Variants in ESR1 observed in about 807,000 individuals in gnomAD.
ESR1 encodes estrogen receptor 1, also known as estrogen receptor.
A neutral mutation model predicts 52.7 loss-of-function variants in ESR1; 12 were observed. The ratio of observed to expected loss-of-function variants is 0.23; its 90% CI spans 0.15 to 0.37. The LOEUF is 0.37. ESR1 is among the 10% of genes least tolerant of loss of function. ESR1 has a pLI of 1.00. For synonymous variants in ESR1, 305 were observed against 316.8 expected, an observed-to-expected ratio of 0.96 and a Z score of 0.39; for missense variants, 584 against 779.7, an observed-to-expected ratio of 0.75 and a Z score of 2.99.
intron 2 of ESR1, among the ~76,000 whole-genome samples, chr6:151,859,673 C>A (rs1562485845): frequency 6.6e-6 from 1 of 152,188 alleles, no homozygotes; most frequent in Non-Finnish European, 1.5e-5. Context: ...GGGTTGACTT[C>A]CTGTGGCATT....
chr6:152,122,287 A>C (rs1334599882), intron 6 of ESR1: 32 of 1,238,816 alleles, frequency 2.6e-5, no homozygotes, highest in Non-Finnish European at 2.8e-5. Context: ...TGAAGCCATA[A>C]TTTGCACACA....
intron 5 of ESR1, among the ~76,000 whole-genome samples, chr6:152,033,350 A>G (rs2044924318): frequency 6.6e-6 from 1 of 152,254 alleles, no homozygotes. Flanking sequence ...ATCAGAGTGA[A>G]CAGGCAACCT....
chr6:152,048,361 CAAAAAAAAAAAA>C (rs1180207041), intron 5 of ESR1, among the ~76,000 whole-genome samples: 1 of 62,286 alleles, frequency 1.6e-5, no homozygotes, highest in African/African-American at 6.9e-5. Context: ...GACACCATCT[CAAAAAAAAAAAA>C]AAAAAAAAAA....
At chr6:151,831,650 T>C (rs979509191) in intron 1 of ESR1, among the ~76,000 whole-genome samples, 2 of 152,186 alleles carry the variant, frequency 1.3e-5, no homozygotes, top group African/African-American at 4.8e-5. Context: ...TGTACAACTT[T>C]GGTGAGTGGC....
intron 6 of ESR1, among the ~76,000 whole-genome samples, chr6:152,093,825 C>T (rs1041939874): frequency 6.6e-6 from 1 of 152,164 alleles, no homozygotes; most frequent in Non-Finnish European, 1.5e-5. Flanking sequence ...CTTAGCCAAT[C>T]GCTCATCACT....
At chr6:151,888,622 G>C (rs145862068) in intron 3 of ESR1, among the ~76,000 whole-genome samples, 1,556 of 152,122 alleles carry the variant, frequency 0.01, 16 homozygotes, top group African/African-American at 0.037. Flanking sequence ...GCAAACACGG[G>C]CAATTTAACT....
At chr6:151,662,411 A>G (rs554437432) in intron 1 of ESR1, among the ~76,000 whole-genome samples, 339 of 152,196 alleles carry the variant, frequency 2.2e-3, no homozygotes, top group Non-Finnish European at 3.7e-3. Context: ...GGCAGGTACC[A>G]TTATTAAAGG....
At chr6:152,109,152 G>C (rs1423432041) in intron 6 of ESR1, among the ~76,000 whole-genome samples, 1 of 152,100 alleles carries the variant, frequency 6.6e-6, no homozygotes, top group Non-Finnish European at 1.5e-5. Flanking sequence ...CAGAGGGGAT[G>C]GTGCTGACCC....
At chr6:151,743,751 A>G (rs1783274671) in intron 2 of ESR1, among the ~76,000 whole-genome samples, 1 of 152,208 alleles carries the variant, frequency 6.6e-6, no homozygotes, top group Non-Finnish European at 1.5e-5. Context: ...ATTAAAACAA[A>G]CAAACAGATT....
At chr6:152,093,695 G>C (rs1041272763) in intron 6 of ESR1, among the ~76,000 whole-genome samples, 9 of 152,040 alleles carry the variant, frequency 5.9e-5, no homozygotes, top group Admixed American at 5.9e-4. Context: ...AAAAAACAGC[G>C]GTTTTCAAGT....
chr6:151,669,958 A>C (rs1030790317), intron 1 of ESR1, among the ~76,000 whole-genome samples: 5 of 152,180 alleles, frequency 3.3e-5, no homozygotes, highest in Non-Finnish European at 7.4e-5. Context: ...ATCCACGACA[A>C]AAGTACGGGA....
chr6:152,105,942 C>T (rs544198688), downstream of ESR1, among the ~76,000 whole-genome samples: 867 of 150,256 alleles, frequency 5.8e-3, 5 homozygotes, highest in African/African-American at 0.02. Context: ...CGCCCGCCAC[C>T]GCGCCCGGCT....
intron 2 of ESR1, among the ~76,000 whole-genome samples, chr6:151,766,074 G>A (rs1785027239): frequency 6.6e-6 from 1 of 152,070 alleles, no homozygotes; most frequent in African/African-American, 2.4e-5. Flanking sequence ...TGCATACAGG[G>A]CTTCATATTT....
chr6:152,120,715 C>A (rs892019269), intron 6 of ESR1, among the ~76,000 whole-genome samples: 3 of 152,114 alleles, frequency 2.0e-5, no homozygotes, highest in Non-Finnish European at 4.4e-5. Context: ...TGCCGGCTCC[C>A]AGGCCCCATC....
In ESR1 at chr6:152,008,869, G is replaced by A. The variant is rs2042542554; in HGVS notation, c.1097-2787G>A. ...ATTATGAGACTTAACCTAAAAAATT[G>A]GGGTGAAATCTTAAAGAATTATGAA... On this transcript the variant is annotated intron_variant, in intron 4 of 7. Coordinates refer to ENST00000206249, the MANE Select transcript of ESR1 (RefSeq NM_000125.4). 2.0e-5 allele frequency among the ~76,000 whole-genome samples: 3 copies of A among 152,118 alleles called. No individual in the cohort carries two copies. The South Asian group carries it at 6.2e-4, about 32-fold the overall frequency.
intron 1 of ESR1, among the ~76,000 whole-genome samples, chr6:151,823,142 T>G (rs1048436664): frequency 2.0e-5 from 3 of 152,210 alleles, no homozygotes; most frequent in Non-Finnish European, 2.9e-5. Context: ...AAATTCAAAT[T>G]TAATTGAATG....
chr6:151,798,051 A>C lies in ESR1; in HGVS notation c.-70-9792A>C, dbSNP rs113016270. ...GATTCAGTGGGTGGGACAGTTGTAC[A>C]TCTTGAACTCTGGGTACACTGCCGA... On this transcript the variant is annotated intron_variant, in intron 2 of 2. Coordinates refer to the ESR1 transcript ENST00000404742. Among the ~76,000 whole-genome samples the C allele has an allele frequency of 7.3e-3, 1,113 of 152,320 alleles. 6 individuals are homozygous for C. The highest frequency in any genetic ancestry group is 0.012 in the Non-Finnish European group (796 of 68,034).
At chr6:151,720,547 A>G (rs1781378899) in intron 2 of ESR1, among the ~76,000 whole-genome samples, 1 of 152,224 alleles carries the variant, frequency 6.6e-6, no homozygotes, top group African/African-American at 2.4e-5. Flanking sequence ...TAGCACATTA[A>G]AGCCTTTGGG....
rs184552313 is a variant in ESR1 at position 151,880,539 on chromosome 6, C to A, written c.644-116C>A. 1.0e-4 allele frequency: 78 copies of A among 774,124 alleles called. 1 individual carries two copies. The African/African-American group carries it at 1.0e-3, about 10-fold the overall frequency. The allele number at this position is 774,124 out of a possible 1,614,324, so 48.0% of individuals were successfully genotyped here. On this transcript the variant is annotated intron_variant, in intron 2 of 7. Transcript: ENST00000206249. ...AGAAAAAGGCAGGCAGGCTGGGGAG[C>A]AACATAGTAAGGCTGAGGAAGTGAT... is the stretch of plus-strand genomic sequence containing the variant.
Sources: allele counts gnomAD v4.1 joint callset (sites outside exome capture counted in the v4.1 genomes callset), GRCh38; gene constraint gnomAD v4.1.1; transcripts MANE v1.5; gene names NCBI Gene and HGNC (gene_info 2026-07-23, HGNC 2026-07-21).